MYO1D: variants seen among roughly 807,000 people sequenced by gnomAD.
MYO1D encodes unconventional myosin-Id.
Under a neutral mutation model 122.0 loss-of-function variants are expected in MYO1D, and 83 were observed. The ratio of observed to expected loss-of-function variants is 0.68; its 90% CI spans 0.57 to 0.82. The LOEUF (loss-of-function observed/expected upper bound fraction) is 0.82, where lower values mean the gene tolerates loss of function less well. Ranked by LOEUF, MYO1D falls within the 40% of genes least tolerant of loss-of-function variation. The pLI is 0.00. For synonymous variants in MYO1D, 464 were observed against 446.9 expected (o/e 1.04, Z -0.48); for missense variants, 1,157 against 1,269.5 (o/e 0.91, Z 1.35).
intron 16 of MYO1D, among the ~76,000 whole-genome samples, chr17:32,687,193 TA>T (rs1434545352): frequency 2.7e-4 from 34 of 126,456 alleles, no homozygotes; most frequent in African/African-American, 9.9e-4. Context: ...CATGCCTGGC[TA>T]ATTTTTTTTT....
intron 20 of MYO1D, among the ~76,000 whole-genome samples, chr17:32,611,774 G>A (rs1182746680): frequency 6.6e-6 from 1 of 152,250 alleles, no homozygotes; most frequent in African/African-American, 2.4e-5. Context: ...GGGAGGCAGA[G>A]GTTGCAGTGA....
At chr17:32,772,435 G>A (rs1022391305) in intron 5 of MYO1D, among the ~76,000 whole-genome samples, 1 of 152,116 alleles carries the variant, frequency 6.6e-6, no homozygotes, top group Admixed American at 6.5e-5. Flanking sequence ...GGAAACAACA[G>A]CTTCAATTCA....
intron 21 of MYO1D, chr17:32,504,933 C>A (rs558731986): frequency 6.6e-6 from 1 of 152,664 alleles, no homozygotes; most frequent in African/African-American, 2.4e-5. Context: ...GCTCCCGCTC[C>A]TTCTCCACTG....
At chr17:32,637,496 C>T (rs1021545931) in intron 20 of MYO1D, among the ~76,000 whole-genome samples, 3 of 151,926 alleles carry the variant, frequency 2.0e-5, no homozygotes, top group Admixed American at 6.6e-5. Flanking sequence ...CTTGGCGAAA[C>T]CCCTCATCTC....
At chr17:32,611,486 C>T (rs2087701653) in intron 20 of MYO1D, among the ~76,000 whole-genome samples, 1 of 151,906 alleles carries the variant, frequency 6.6e-6, no homozygotes, top group African/African-American at 2.4e-5. Flanking sequence ...AGTACCTAGG[C>T]ATACAAAAAT....
intron 3 of MYO1D, among the ~76,000 whole-genome samples, chr17:32,778,203 G>T (rs529404685): frequency 1.3e-5 from 2 of 152,268 alleles, no homozygotes; most frequent in South Asian, 4.1e-4. Context: ...ACTTTCAACT[G>T]TTTCAGAGTA....
chr17:32,587,507 C>T (rs534546832), intron 21 of MYO1D, among the ~76,000 whole-genome samples: 52 of 136,382 alleles, frequency 3.8e-4, no homozygotes, highest in African/African-American at 1.3e-3. Context: ...AGTGAAACTC[C>T]GTTTCAAAAA....
chr17:32,503,557 G>A (rs1309689754), intron 21 of MYO1D, among the ~76,000 whole-genome samples: 2 of 152,240 alleles, frequency 1.3e-5, no homozygotes, highest in Non-Finnish European at 2.9e-5. Flanking sequence ...AGGAGTGTCT[G>A]AGAATATTGT....
chr17:32,682,478 CTG>C, intron 16 of MYO1D, among the ~76,000 whole-genome samples: 1 of 150,640 alleles, frequency 6.6e-6, no homozygotes, highest in South Asian at 2.1e-4. Context: ...ATTTGCTTGT[CTG>C]TAAAGGATTT....
intron 1 of MYO1D, among the ~76,000 whole-genome samples, chr17:32,825,904 G>C (rs185693083): frequency 6.6e-6 from 1 of 152,006 alleles, no homozygotes; most frequent in African/African-American, 2.4e-5. Context: ...ATAAAAATTA[G>C]CCAGGTGCTC....
chr17:32,519,904 A>ATT (rs1567875123), intron 21 of MYO1D, among the ~76,000 whole-genome samples: 1,388 of 132,416 alleles, frequency 0.01, 25 homozygotes, highest in African/African-American at 0.039. Flanking sequence ...TTTTTTTTAA[A>ATT]AAAAAAAACC....
intron 1 of MYO1D, among the ~76,000 whole-genome samples, chr17:32,819,691 G>A (rs942512730): frequency 1.3e-5 from 2 of 152,134 alleles, no homozygotes; most frequent in African/African-American, 4.8e-5. Context: ...TAGTTATTCA[G>A]TTTCTTAATT....
At chr17:32,530,691 C>T (rs1043995100) in intron 21 of MYO1D, among the ~76,000 whole-genome samples, 6 of 152,068 alleles carry the variant, frequency 3.9e-5, no homozygotes, top group African/African-American at 1.4e-4. Context: ...GTCCCAGCTA[C>T]TTGGGAGGCT....
intron 21 of MYO1D, among the ~76,000 whole-genome samples, chr17:32,579,132 G>A (rs2087305206): frequency 6.6e-6 from 1 of 152,056 alleles, no homozygotes; most frequent in Non-Finnish European, 1.5e-5. Flanking sequence ...GCGGTGGAAT[G>A]GTCACAGCTC....
At chr17:32,766,726 A>G (rs573645744) in intron 7 of MYO1D, among the ~76,000 whole-genome samples, 110 of 152,240 alleles carry the variant, frequency 7.2e-4, no homozygotes, top group Middle Eastern at 6.8e-3. Flanking sequence ...CGGGAGGTGG[A>G]GCTTGCAGTG....
chr17:32,794,938 T>G (rs8078844), intron 1 of MYO1D, among the ~76,000 whole-genome samples: 79,544 of 151,790 alleles, frequency 0.52, 21,511 homozygotes, highest in East Asian at 0.73. Context: ...GAATGACGGG[T>G]TCTCTGGTTG....
chr17:32,522,991 T>C (rs1052785002), intron 21 of MYO1D, among the ~76,000 whole-genome samples: 5 of 152,078 alleles, frequency 3.3e-5, no homozygotes, highest in African/African-American at 1.2e-4. Flanking sequence ...TAGTTTTTTG[T>C]ATTTTAGTAG....
intron 19 of MYO1D, 70 bp downstream of exon 19, chr17:32,653,773 G>A: frequency 7.6e-7 from 1 of 1,309,816 alleles, no homozygotes; most frequent in Non-Finnish European, 1.1e-6. Context: ...TTTATTACAG[G>A]CTTGCTTAAG....
chr17:32,774,719 TAA>T (rs2090156485), intron 4 of MYO1D, among the ~76,000 whole-genome samples: 1 of 152,180 alleles, frequency 6.6e-6, no homozygotes, highest in Non-Finnish European at 1.5e-5. Context: ...GGACTGATAA[TAA>T]TACCTGGCAT....
Sources: allele counts gnomAD v4.1 joint callset (sites outside exome capture counted in the v4.1 genomes callset), GRCh38; gene constraint gnomAD v4.1.1; transcripts MANE v1.5; gene names NCBI Gene and HGNC (gene_info 2026-07-23, HGNC 2026-07-21).